TMEM120B: variants seen among roughly 807,000 people sequenced by gnomAD.
TMEM120B encodes the protein transmembrane protein 120B.
TMEM120B carries 31 observed loss-of-function variants against 55.5 expected under a neutral mutation model. That is an observed-to-expected ratio of 0.56 (90% confidence interval 0.42 to 0.75). The LOEUF is 0.75. Ranked by LOEUF, TMEM120B falls within the 30% of genes least tolerant of loss-of-function variation. The pLI is 0.00. For synonymous variants in TMEM120B, 203 were observed against 176.3 expected (o/e 1.15, Z -1.20); for missense variants, 399 against 425.5 (o/e 0.94, Z 0.55).
In TMEM120B at chr12:121,776,538, G is replaced by A. The variant is rs1005182671; in HGVS notation, c.*816G>A. 1.3e-5 allele frequency: 2 copies of A among 152,242 alleles called. No homozygotes were observed. The highest frequency in any genetic ancestry group is 6.5e-5 in the Admixed American group (1 of 15,284). 9.4% of individuals were successfully genotyped at this position (152,242 alleles called of 1,614,324 possible). The stretch of plus-strand genomic sequence containing the variant: ...AGCTTCTGGATGTTGTGGGAGGGAG[G>A]TGGGGGTGCCTGGCAGGCTCACCCC... On this transcript the variant is annotated 3_prime_UTR_variant, in exon 12 of 12. Coordinates refer to ENST00000449592, the MANE Select transcript of TMEM120B (RefSeq NM_001080825.2).
intron 8 of TMEM120B, among the ~76,000 whole-genome samples, chr12:121,772,098 TCTTTCTC>T (rs1404765997): frequency 1.4e-5 from 2 of 142,156 alleles, no homozygotes; most frequent in African/African-American, 6.0e-5. Context: ...TCTCTCTCTC[TCTTTCTC>T]TCTTTCTCTC....
Position 121,712,864 on chromosome 12 carries a change from C to G in TMEM120B, c.-32C>G, listed in dbSNP as rs1431824569. 14 of 1,443,068 alleles carry G rather than the reference C, an allele frequency of 9.7e-6. No individual in the cohort carries two copies. Among genetic ancestry groups the G allele is most frequent in the Non-Finnish European group, 1.2e-5 (13 of 1,097,274 alleles). The allele number at this position is 1,443,068 out of a possible 1,614,324, so 89.4% of individuals were successfully genotyped here. A position where few individuals can be genotyped will look rare whatever the true frequency, so the allele number is the denominator to read the frequency against. On this transcript the variant is annotated 5_prime_UTR_variant, in exon 1 of 12. Coordinates refer to ENST00000449592, the MANE Select transcript of TMEM120B (RefSeq NM_001080825.2). ...CGGTCGGGCAGCGCTGCGGGAGCAG[C>G]CGCCGGCACCGCCGCCTTGCACCAT...
In TMEM120B at chr12:121,739,798, CTTTTTTTTTTTT is replaced by C. The variant is rs200085137; in HGVS notation, c.70-3819_70-3808del. On this transcript the variant is annotated intron_variant, in intron 1 of 11. Coordinates refer to ENST00000449592, the MANE Select transcript of TMEM120B (RefSeq NM_001080825.2). The stretch of plus-strand genomic sequence containing the variant: ...GAAACTTTTGACTCCTGCAACACTT[CTTTTTTTTTTTT>C]TTTTTTTTTTTGAGACAGAGTGCAG... Among the ~76,000 whole-genome samples the C allele has an allele frequency of 2.1e-3, 212 of 99,196 alleles. 2 individuals are homozygous for C. Among genetic ancestry groups the C allele is most frequent in the African/African-American group, 8.3e-3 (194 of 23,246 alleles). 65.1% of individuals were successfully genotyped at this position (99,196 alleles called of 152,430 possible).
At position 121,779,448 on chromosome 12, in the gene TMEM120B, C is replaced by G. The variant is rs776557913; in HGVS notation, c.*3726C>G. On this transcript the variant is annotated 3_prime_UTR_variant, in exon 12 of 12. Transcript: ENST00000449592. The stretch of plus-strand genomic sequence containing the variant: ...GCAGCCTCCCTGGTGCAATCGGCAC[C>G]TGGGCCCCCGGGCCCTGTCAGTGCT... 6.3e-7 allele frequency: 1 copy of G among 1,593,618 alleles called. No individual in the cohort carries two copies. The highest frequency in any genetic ancestry group is 1.1e-5 in the South Asian group (1 of 90,538).
rs148936094 is a variant in TMEM120B, at chr12:121,769,308, G to T, written c.552-1599G>T. On this transcript the variant is annotated intron_variant, in intron 6 of 11. Coordinates refer to ENST00000449592, the MANE Select transcript of TMEM120B (RefSeq NM_001080825.2). ...ATGACAGGAGATGGGCCTGGGGCAT[G>T]TAGCTCCTGGGGAGAAGCTGCCTCG... Among the ~76,000 whole-genome samples, 484 of 152,254 alleles carry T rather than the reference G, an allele frequency of 3.2e-3. 15 individuals carry two copies. The highest frequency in any genetic ancestry group is 0.028 in the Admixed American group (429 of 15,296).
intron 1 of TMEM120B, among the ~76,000 whole-genome samples, chr12:121,730,576 A>T (rs1171756059): frequency 6.7e-6 from 1 of 148,546 alleles, no homozygotes; most frequent in Admixed American, 6.9e-5. Context: ...ACTTCAATCC[A>T]GGAGGCGGAG....
At chr12:121,769,035 A>G (rs539590802) in intron 6 of TMEM120B, among the ~76,000 whole-genome samples, 21 of 151,798 alleles carry the variant, frequency 1.4e-4, no homozygotes, top group Admixed American at 1.3e-3. Context: ...AGTCGCAGCT[A>G]CTCGGGAGAC....
intron 5 of TMEM120B, among the ~76,000 whole-genome samples, chr12:121,756,539 TCA>T (rs1017854487): frequency 6.6e-6 from 1 of 152,160 alleles, no homozygotes; most frequent in African/African-American, 2.4e-5. Context: ...CCTCCCAGTG[TCA>T]CACAGACTTA....
At chr12:121,773,678 A>C (rs911711773) in intron 9 of TMEM120B, among the ~76,000 whole-genome samples, 165 bp downstream of exon 9, 2 of 152,130 alleles carry the variant, frequency 1.3e-5, no homozygotes, top group Non-Finnish European at 2.9e-5. Context: ...TCAGCTGCCA[A>C]GTGCCAGGCC....
chr12:121,774,729 C>A lies in TMEM120B; in HGVS notation c.837+7C>A, dbSNP rs770789781. The A allele has an allele frequency of 6.8e-6, 11 of 1,613,608 alleles. No individual in the cohort carries two copies. The South Asian group carries it at 8.8e-5, about 13-fold the overall frequency. On this transcript the variant is annotated splice_region_variant and intron_variant, in intron 10 of 11. Coordinates refer to ENST00000449592, the MANE Select transcript of TMEM120B (RefSeq NM_001080825.2). ...CTTCCTCTTCTGTGGCCATGTGAGT[C>A]CCCCTGGAGTTTGTGGGTATCTCCT... is the stretch of plus-strand genomic sequence containing the variant.
chr12:121,723,032 G>C (rs1224234708), intron 1 of TMEM120B, among the ~76,000 whole-genome samples: 1 of 151,946 alleles, frequency 6.6e-6, no homozygotes, highest in African/African-American at 2.4e-5. Flanking sequence ...ATTTGTAGTA[G>C]AGACGGGGTT....
chr12:121,750,553 C>G, intron 4 of TMEM120B, 114 bp downstream of exon 4: 3 of 753,754 alleles, frequency 4.0e-6, no homozygotes, highest in Non-Finnish European at 4.5e-6. Flanking sequence ...CCCACACCAA[C>G]ACCCCACACC....
chr12:121,715,990 C>T lies in TMEM120B; in HGVS notation c.69+3026C>T, dbSNP rs188977874. 2.4e-4 allele frequency among the ~76,000 whole-genome samples: 36 copies of T among 149,690 alleles called. 1 individual carries two copies. Among genetic ancestry groups the T allele is most frequent in the East Asian group, 1.4e-3 (7 of 5,138 alleles). On this transcript the variant is annotated intron_variant, in intron 1 of 11. Coordinates refer to ENST00000449592, the MANE Select transcript of TMEM120B (RefSeq NM_001080825.2). ...CCATTGCGTATGTGCTGGGCAGTTT[C>T]GGATACGAGATATTTGTTGGGAGCT...
intron 6 of TMEM120B, among the ~76,000 whole-genome samples, chr12:121,763,662 C>T (rs988026883): frequency 6.6e-6 from 1 of 152,146 alleles, no homozygotes; most frequent in Non-Finnish European, 1.5e-5. Flanking sequence ...AGGCTGGTCT[C>T]AAACTCTTGA....
intron 1 of TMEM120B, among the ~76,000 whole-genome samples, chr12:121,717,854 C>T (rs1364739659): frequency 1.3e-5 from 2 of 152,212 alleles, no homozygotes; most frequent in Non-Finnish European, 1.5e-5. Context: ...GACAGGGTTT[C>T]ACTATGTTGG....
intron 1 of TMEM120B, among the ~76,000 whole-genome samples, chr12:121,715,815 A>G: frequency 6.6e-6 from 1 of 151,936 alleles, no homozygotes; most frequent in East Asian, 1.9e-4. Context: ...CCACACAGCT[A>G]GTTAGTGGTA....
chr12:121,775,885 GCA>G lies in TMEM120B; in HGVS notation c.*166_*167del, dbSNP rs1388459493. On this transcript the variant is annotated 3_prime_UTR_variant, in exon 12 of 12. Coordinates refer to ENST00000449592, the MANE Select transcript of TMEM120B (RefSeq NM_001080825.2). This position sits in a 1 kb window ranked among gnomAD's most constrained non-coding sequence, Gnocchi z 4.3. ...AGAGGAATGTGAGCCCCGCCTGTCC[GCA>G]CAGTGTCCGCCCACCTATTTATGAC... 2 of 728,234 alleles carry G rather than the reference GCA, an allele frequency of 2.7e-6. No individual in the cohort carries two copies. Among genetic ancestry groups the G allele is most frequent in the East Asian group, 2.7e-5 (1 of 37,124 alleles). 45.1% of individuals were successfully genotyped at this position (728,234 alleles called of 1,614,324 possible).
Position 121,780,867 on chromosome 12 carries a change from C to T in TMEM120B, c.*5145C>T. 1 of 1,611,730 alleles carries T rather than the reference C, an allele frequency of 6.2e-7. No individual in the cohort carries two copies. Among genetic ancestry groups the T allele is most frequent in the Non-Finnish European group, 8.5e-7 (1 of 1,179,112 alleles). On this transcript the variant is annotated 3_prime_UTR_variant, in exon 12 of 12. Coordinates refer to ENST00000449592, the MANE Select transcript of TMEM120B (RefSeq NM_001080825.2). ...CTGTGCCCCAGGGTCTTGGCCCCGG[C>T]CCACCTGCATGTAGGTGATGGGCTC...
At chr12:121,742,160 G>T (rs953492993) in intron 1 of TMEM120B, among the ~76,000 whole-genome samples, 1 of 151,976 alleles carries the variant, frequency 6.6e-6, no homozygotes, top group African/African-American at 2.4e-5. Flanking sequence ...ACGCCACCAT[G>T]CCCGGCTGAT....
Sources: gnomAD v4.1 joint callset for allele counts (sites outside exome capture counted in the v4.1 genomes callset) on GRCh38, gnomAD v4.1.1 for gene constraint, Gnocchi (gnomAD v3.1) non-coding constraint, MANE v1.5 for transcripts, NCBI Gene and HGNC (gene_info 2026-07-23, HGNC 2026-07-21) for gene names.